PAH: variants seen among roughly 807,000 people sequenced by gnomAD.
PAH encodes phenylalanine hydroxylase, also known as phenylalanine-4-hydroxylase.
Under a neutral mutation model 62.0 loss-of-function variants are expected in PAH, and 64 were observed. The observed-to-expected ratio is 1.03, with a 90% CI of 0.84 to 1.27. The LOEUF is 1.27. Among genes scored for constraint, PAH ranks in the 50% most tolerant of loss-of-function variants. The pLI is 0.00. For missense variants in PAH, 579 were observed against 542.8 expected (o/e 1.07, Z -0.66); for synonymous variants, 195 against 196.2 (o/e 0.99, Z 0.05).
rs775819218 is a variant in PAH, at chr12:102,888,865, G to A, written c.352+5870C>T. 2.0e-5 allele frequency among the ~76,000 whole-genome samples: 3 copies of A among 152,082 alleles called. No homozygotes were observed. The South Asian group carries it at 6.2e-4, about 32-fold the overall frequency. On this transcript the variant is annotated intron_variant, in intron 3 of 12. Coordinates refer to ENST00000553106, the MANE Select transcript of PAH (RefSeq NM_000277.3). ...GTTTTTGCAAACATGCAGATACTTG[G>A]TCTCCTGCAGACACAGAGCCACATA...
intron 1 of PAH, among the ~76,000 whole-genome samples, chr12:102,923,085 G>GCTT: frequency 6.6e-6 from 1 of 152,320 alleles, no homozygotes; most frequent in South Asian, 2.1e-4. Context: ...CAACAAGTAA[G>GCTT]TTCAGATTTA....
chr12:102,958,281 G>A, exon 1 of PAH: 2 of 1,476,158 alleles, frequency 1.4e-6, no homozygotes, highest in Non-Finnish European at 1.8e-6. Context: ...CGGCGGCGCC[G>A]GCCAGCAGCC....
At chr12:102,882,474 C>T (rs1009265245) in intron 3 of PAH, among the ~76,000 whole-genome samples, 3 of 151,766 alleles carry the variant, frequency 2.0e-5, no homozygotes, top group African/African-American at 7.3e-5. Flanking sequence ...TTTATAAGAA[C>T]AACATGATGT....
At chr12:102,909,927 C>T (rs1473605761) in intron 2 of PAH, among the ~76,000 whole-genome samples, 2 of 152,078 alleles carry the variant, frequency 1.3e-5, no homozygotes, top group Non-Finnish European at 2.9e-5. Context: ...CCACTACACT[C>T]CAGCCTGTGT....
intron 5 of PAH, among the ~76,000 whole-genome samples, chr12:102,860,522 C>T (rs1442917118): frequency 6.6e-6 from 1 of 151,948 alleles, no homozygotes; most frequent in Non-Finnish European, 1.5e-5. Context: ...GCCCGCATTG[C>T]CAAGACAATC....
At chr12:102,843,451 G>A (rs772686542) in intron 11 of PAH, among the ~76,000 whole-genome samples, 195 bp downstream of exon 11, 31 of 152,140 alleles carry the variant, frequency 2.0e-4, no homozygotes, top group Admixed American at 9.2e-4. Flanking sequence ...GCAGGGGTGT[G>A]TGCAAAGGTC....
chr12:102,910,433 C>T (rs1036030756), intron 2 of PAH, among the ~76,000 whole-genome samples: 3 of 150,902 alleles, frequency 2.0e-5, no homozygotes, highest in African/African-American at 4.9e-5. Flanking sequence ...TGCAGTGGCA[C>T]GATCCGGGCT....
intron 1 of PAH, among the ~76,000 whole-genome samples, chr12:102,942,113 G>A (rs897109293): frequency 2.6e-5 from 4 of 152,066 alleles, no homozygotes; most frequent in Admixed American, 6.6e-5. Flanking sequence ...ATCCAAATAG[G>A]AGAGGAAGTC....
intron 1 of PAH, among the ~76,000 whole-genome samples, chr12:102,947,177 G>A (rs1011230526): frequency 1.3e-5 from 2 of 152,080 alleles, no homozygotes; most frequent in Non-Finnish European, 2.9e-5. Flanking sequence ...GTGTGTGTTT[G>A]TGTGTGTATA....
rs1301704502 is a variant in PAH, at chr12:102,852,797, C to T, written c.842+18G>A. The T allele has an allele frequency of 6.2e-7, 1 of 1,613,948 alleles. No individual in the cohort carries two copies. The highest frequency in any genetic ancestry group is 8.5e-7 in the Non-Finnish European group (1 of 1,179,882). ...GCTCATTGTGCCTGGCAACTGGTAG[C>T]TGGAGGACAGTACTCACGGTTCGGG... is the stretch of plus-strand genomic sequence containing the variant. On this transcript the variant is annotated intron_variant, in intron 7 of 12. Transcript: ENST00000553106.
intron 2 of PAH, among the ~76,000 whole-genome samples, chr12:102,912,014 A>G (rs1878219807): frequency 6.6e-6 from 1 of 152,228 alleles, no homozygotes; most frequent in Non-Finnish European, 1.5e-5. Flanking sequence ...TGCCCAGCAA[A>G]CACCCAAATC....
chr12:102,840,927 G>C (rs1390501418), intron 11 of PAH, among the ~76,000 whole-genome samples: 1 of 152,200 alleles, frequency 6.6e-6, no homozygotes, highest in Non-Finnish European at 1.5e-5. Flanking sequence ...TAGCTCTCAA[G>C]TGGTGAAGAA....
At chr12:102,866,177 T>C (rs1048205886) in intron 5 of PAH, among the ~76,000 whole-genome samples, 6 of 152,182 alleles carry the variant, frequency 3.9e-5, no homozygotes, top group African/African-American at 1.4e-4. Context: ...AAATCTTGAA[T>C]GATTCATTAT....
chr12:102,922,757 ATTAAGT>A (rs1480149434), intron 1 of PAH, among the ~76,000 whole-genome samples: 10 of 152,248 alleles, frequency 6.6e-5, no homozygotes, highest in Admixed American at 3.3e-4. Flanking sequence ...GAAATAATAC[ATTAAGT>A]TGAATGTATG....
chr12:102,948,378 T>C (rs934266198), intron 1 of PAH, among the ~76,000 whole-genome samples: 1 of 152,148 alleles, frequency 6.6e-6, no homozygotes, highest in African/African-American at 2.4e-5. Flanking sequence ...TGGGGCTCTT[T>C]TGGGTAAAGA....
rs62517204 is a variant in PAH, at chr12:102,855,168, G to A, written c.674C>T (p.Pro225Leu). 1.2e-6 allele frequency: 2 copies of A among 1,614,128 alleles called. No individual in the cohort carries two copies. Among genetic ancestry groups the A allele is most frequent in the South Asian group, 1.1e-5 (1 of 91,080 alleles). Residue 225 changes from proline to leucine, a missense_variant, in exon 6 of 13, where the codon CCC (proline) becomes CTC (leucine). By Grantham distance (98) the Pro-to-Leu change is moderately conservative. Transcript: ENST00000553106. ...GAACTGAGAAACGTCTTCCAGCTGG[G>A]GAATGTTATCTTCATGGAAGCCACA... ...KYCGFHEDNIPQLEDVSQFLQ... is the reference protein window; with the variant it reads ...KYCGFHEDNILQLEDVSQFLQ...
At chr12:102,958,282 GCCAGCAGCCCCAGCCGCAGCC>G in exon 1 of PAH, 2 of 1,476,070 alleles carry the variant, frequency 1.4e-6, no homozygotes, top group South Asian at 2.6e-5. Flanking sequence ...GGCGGCGCCG[GCCAGCAGCCCCAGCCGCAGCC>G]CCAGCAGCCC....
chr12:102,865,930 A>C (rs1383133859), intron 5 of PAH, among the ~76,000 whole-genome samples: 6 of 152,128 alleles, frequency 3.9e-5, no homozygotes, highest in African/African-American at 1.4e-4. Flanking sequence ...ACTCAGTAAC[A>C]GCACTTGTCA....
intron 6 of PAH, among the ~76,000 whole-genome samples, chr12:102,854,184 A>G (rs1875302829): frequency 6.6e-6 from 1 of 152,072 alleles, no homozygotes; most frequent in African/African-American, 2.4e-5. Context: ...AATGGAAGGG[A>G]CCCAAAAGGT....
Sources: gnomAD v4.1 joint callset for allele counts (sites outside exome capture counted in the v4.1 genomes callset) on GRCh38, gnomAD v4.1.1 for gene constraint, MANE v1.5 for transcripts, NCBI Gene and HGNC (gene_info 2026-07-23, HGNC 2026-07-21) for gene names.